The following ATP11B variants were observed in gnomAD, a reference collection of about 807,000 sequenced individuals.
ATP11B encodes ATPase phospholipid transporting 11B (putative).
ATP11B carries 81 observed loss-of-function variants against 157.8 expected under a neutral mutation model. That is an observed-to-expected ratio of 0.51 (90% CI 0.43 to 0.62). The LOEUF is 0.62. Among genes scored for constraint, ATP11B ranks in the 20% least tolerant of loss-of-function variants. ATP11B has a pLI of 0.00. For missense variants in ATP11B, 1,165 were observed against 1,402.2 expected, an observed-to-expected ratio of 0.83 and a Z score of 2.70; for synonymous variants, 451 against 469.4, an observed-to-expected ratio of 0.96 and a Z score of 0.51.
chr3:182,902,562 C>T, intron 28 of ATP11B: 1 of 1,289,134 alleles, frequency 7.8e-7, no homozygotes, highest in Non-Finnish European at 1.0e-6. Flanking sequence ...GCTGAGCAAA[C>T]TTAGGTAGAG....
Position 182,919,874 on chromosome 3 carries a change from G to GGA in ATP11B, c.*1771_*1772dup, listed in dbSNP as rs1351177860. On this transcript the variant is annotated 3_prime_UTR_variant, in exon 30 of 30. Transcript: ENST00000323116. ...CTTAGATATTTCATAGCTGGATTTA[G>GGA]GAAGATCTGTTATTCTGGAAGTACT... 1 of 152,128 alleles carries GGA rather than the reference G, an allele frequency of 6.6e-6. No homozygotes were observed. Among genetic ancestry groups the GGA allele is most frequent in the Non-Finnish European group, 1.5e-5 (1 of 68,012 alleles). The allele number at this position is 152,128 out of a possible 1,614,324, so 9.4% of individuals were successfully genotyped here.
intron 10 of ATP11B, among the ~76,000 whole-genome samples, chr3:182,854,172 A>G (rs1414584864): frequency 6.6e-6 from 1 of 152,234 alleles, no homozygotes; most frequent in Non-Finnish European, 1.5e-5. Context: ...AGCTAAAATT[A>G]CAAAACTTTT....
At chr3:182,863,397 A>G (rs1020247539) in intron 12 of ATP11B, among the ~76,000 whole-genome samples, 27 of 152,018 alleles carry the variant, frequency 1.8e-4, no homozygotes, top group African/African-American at 6.5e-4. Flanking sequence ...TCTTCATGAT[A>G]GAATTTTTGT....
intron 1 of ATP11B, among the ~76,000 whole-genome samples, chr3:182,795,151 C>A (rs1715523933): frequency 6.6e-6 from 1 of 151,848 alleles, no homozygotes; most frequent in South Asian, 2.1e-4. Context: ...ATTAGGAAAC[C>A]AAGCTAATGA....
Position 182,879,654 on chromosome 3 carries a change from G to A in ATP11B, c.2406+5G>A. On this transcript the variant is annotated splice_donor_5th_base_variant and intron_variant, in intron 20 of 29. Transcript: ENST00000323116. ...GCTCCACTGCAGAAAGCAAAAGTAT[G>A]TATATATGTTATAAAAAAGTCCCAT... 1 of 1,594,336 alleles carries A rather than the reference G, an allele frequency of 6.3e-7. No homozygotes were observed. The highest frequency in any genetic ancestry group is 8.5e-7 in the Non-Finnish European group (1 of 1,173,080).
intron 9 of ATP11B, 118 bp downstream of exon 9, chr3:182,845,640 T>C (rs1472631026): frequency 4.3e-6 from 3 of 690,516 alleles, no homozygotes; most frequent in Non-Finnish European, 6.6e-6. Context: ...TTGTCATTTA[T>C]GATAATTTTC....
chr3:182,889,321 TG>T, intron 24 of ATP11B, 88 bp from the exon 25 acceptor site: 3 of 943,308 alleles, frequency 3.2e-6, no homozygotes, highest in Non-Finnish European at 4.5e-6. Flanking sequence ...AAATCTATCT[TG>T]TTTTTTAATT....
chr3:182,802,707 C>G (rs1716088333), intron 1 of ATP11B, among the ~76,000 whole-genome samples: 1 of 152,120 alleles, frequency 6.6e-6, no homozygotes, highest in Admixed American at 6.6e-5. Flanking sequence ...TTCCCTGTTG[C>G]CTTTCCTTGC....
chr3:182,894,758 T>G (rs1723415926), intron 25 of ATP11B, among the ~76,000 whole-genome samples: 1 of 151,950 alleles, frequency 6.6e-6, no homozygotes, highest in Non-Finnish European at 1.5e-5. Flanking sequence ...CTAGGCCCAG[T>G]AAAACCAGAT....
chr3:182,906,217 C>G (rs983065495), intron 28 of ATP11B, among the ~76,000 whole-genome samples: 3 of 152,166 alleles, frequency 2.0e-5, no homozygotes, highest in Admixed American at 2.0e-4. Flanking sequence ...AGAAAATACT[C>G]CTTTTTACTT....
chr3:182,805,386 A>T (rs957842682), intron 1 of ATP11B, among the ~76,000 whole-genome samples: 18 of 150,622 alleles, frequency 1.2e-4, no homozygotes, highest in African/African-American at 4.4e-4. Context: ...ATGATATCCA[A>T]TTTTTTTTAT....
chr3:182,813,376 C>T (rs1317856125), intron 1 of ATP11B, among the ~76,000 whole-genome samples: 4 of 152,126 alleles, frequency 2.6e-5, no homozygotes, highest in African/African-American at 9.7e-5. Context: ...TTTGCCAATA[C>T]TTATTTTCTG....
Position 182,866,355 on chromosome 3 carries a change from G to A in ATP11B, c.1531G>A (p.Gly511Ser), listed in dbSNP as rs1721230448. Residue 511 changes from glycine (G) to serine (S), a missense_variant, in exon 14 of 30, where the codon GGT (glycine) becomes AGT (serine). Physicochemically the swap from Gly to Ser is moderately conservative, Grantham distance 56. Around this residue, in one of 4 missense-constraint regions of ATP11B, gnomAD observed 737 missense variants for 930.5 expected, o/e 0.79. Coordinates refer to ENST00000323116, the MANE Select transcript of ATP11B (RefSeq NM_014616.3). ...TGTTCAAACTGACTGCACTGGTGAT[G>A]GTCCCTGGCAATCCAACCTGGCACC... is the stretch of plus-strand genomic sequence containing the variant. ...SNVQTDCTGD[G>S]PWQSNLAPSQ... 1 of 1,613,818 alleles carries A rather than the reference G, an allele frequency of 6.2e-7. No individual in the cohort carries two copies. The highest frequency in any genetic ancestry group is 1.3e-5 in the African/African-American group (1 of 74,922).
chr3:182,915,975 A>G, intron 29 of ATP11B: 1 of 984,440 alleles, frequency 1.0e-6, no homozygotes, highest in Non-Finnish European at 1.2e-6. Flanking sequence ...ATTGGTTACT[A>G]TTATTTTCTT....
Position 182,867,397 on chromosome 3 carries a change from C to A in ATP11B, c.1641C>A (p.Gly547=). 1 of 1,610,062 alleles carries A rather than the reference C, an allele frequency of 6.2e-7. No homozygotes were observed. The highest frequency in any genetic ancestry group is 2.2e-5 in the East Asian group (1 of 44,800). Residue 547 remains glycine, a synonymous_variant, in exon 15 of 30, where the codon GGC becomes GGA. Transcript: ENST00000323116. ...AAARIGIVFI[G]NSEETMEVKT... Reference sequence around the variant, plus strand: ...CTAGGATTGGTATTGTGTTTATTGGCAATTCTGAAGAAACTATGGAGGTTA... The same window carrying A: ...CTAGGATTGGTATTGTGTTTATTGGAAATTCTGAAGAAACTATGGAGGTTA...
At chr3:182,795,987 A>G (rs1322945798) in intron 1 of ATP11B, among the ~76,000 whole-genome samples, 12 of 152,210 alleles carry the variant, frequency 7.9e-5, no homozygotes, top group Admixed American at 7.9e-4. Context: ...TTAATTCGTT[A>G]TATGAATCCC....
chr3:182,859,580 C>T (rs1245571511), intron 12 of ATP11B, among the ~76,000 whole-genome samples: 1 of 152,036 alleles, frequency 6.6e-6, no homozygotes, highest in African/African-American at 2.4e-5. Context: ...AAGTTTTAGA[C>T]ATTATCTACT....
At chr3:182,804,772 G>C (rs2108486024) in intron 1 of ATP11B, among the ~76,000 whole-genome samples, 1 of 152,228 alleles carries the variant, frequency 6.6e-6, no homozygotes, top group Admixed American at 6.5e-5. Context: ...CTCATTAACT[G>C]TCATTCCCCA....
chr3:182,914,985 A>G (rs527280392), intron 29 of ATP11B: 15 of 985,280 alleles, frequency 1.5e-5, no homozygotes, highest in African/African-American at 1.7e-5. Context: ...AGCACTTTCT[A>G]CATGTGCCAG....
Sources: gnomAD v4.1 joint callset for allele counts (sites outside exome capture counted in the v4.1 genomes callset) on GRCh38, gnomAD v4.1.1 for gene constraint, gnomAD v4.1.1 regional missense constraint, MANE v1.5 for transcripts, NCBI Gene and HGNC (gene_info 2026-07-23, HGNC 2026-07-21) for gene names.